Variants in RBMX observed in about 807,000 individuals in gnomAD.
RBMX encodes the protein RNA binding motif protein X-linked.
RBMX carries 1 observed loss-of-function variant against 29.3 expected under a neutral mutation model. That is an observed-to-expected ratio of 0.03 (90% CI 0.01 to 0.16). RBMX has a LOEUF of 0.16. Among genes scored for constraint, RBMX ranks in the 10% least tolerant of loss-of-function variants. The pLI is 1.00. For synonymous variants in RBMX, 102 were observed against 102.3 expected (o/e 1.00, Z 0.02); for missense variants, 121 against 333.2 (o/e 0.36, Z 4.96).
downstream of RBMX, chrX:136,872,668 C>G (rs2077692107): frequency 4.7e-6 from 1 of 213,281 alleles, no homozygotes; most frequent in African/African-American, 2.9e-5. Flanking sequence ...TGGAGGTCTT[C>G]AAGTTTACTA....
intron 1 of RBMX, 118 bp from the exon 2 acceptor site, chrX:136,879,571 G>A (rs1376445644): frequency 6.3e-6 from 4 of 633,251 alleles, no homozygotes; most frequent in African/African-American, 2.3e-5. Context: ...AATAACTAAA[G>A]AAAACGATAA....
chrX:136,880,643 GGCTTCC>G lies in RBMX; in HGVS notation c.-79_-74del, dbSNP rs1336253208. On this transcript the variant is annotated 5_prime_UTR_variant, in exon 1 of 9. Coordinates refer to ENST00000320676, the MANE Select transcript of RBMX (RefSeq NM_002139.4). ...AAGCTCCAACGAGCTCGGCGATAGGGGCTTCCTAGCAGCTCAGCACCAGTGGCGGCT... is the reference window on the plus strand; with the variant it reads ...AAGCTCCAACGAGCTCGGCGATAGGGTAGCAGCTCAGCACCAGTGGCGGCT... 4.1e-5 allele frequency: 5 copies of G among 123,108 alleles called. No homozygotes were observed. The allele number at this position is 123,108 out of a possible 1,213,427, so 10.1% of individuals were successfully genotyped here. A position where few individuals can be genotyped will look rare whatever the true frequency, so the allele number is the denominator to read the frequency against.
rs965170347 is a variant in RBMX, at chrX:136,878,893, T to A, written c.216+124A>T. The A allele has an allele frequency of 4.7e-6, 4 of 854,999 alleles. No homozygotes were observed. In the African/African-American group the frequency reaches 8.3e-5, roughly 18 times the overall value. The allele number at this position is 854,999 out of a possible 1,213,427, so 70.5% of individuals were successfully genotyped here. On this transcript the variant is annotated intron_variant, in intron 3 of 8. Transcript: ENST00000320676. ...CAGGATCACAAACAGGATGAGTGGA[T>A]CCCAGACAGGTATATACTGAAAAAC... is the stretch of plus-strand genomic sequence containing the variant.
downstream of RBMX, chrX:136,872,563 T>C (rs2077691667): frequency 2.5e-6 from 1 of 407,912 alleles, no homozygotes; most frequent in East Asian, 4.1e-5. Context: ...TTATGGATTG[T>C]CATTCTGTTC....
At chrX:136,874,504 C>T in intron 8 of RBMX, 52 bp from the exon 9 acceptor site, 1 of 1,150,613 alleles carries the variant, frequency 8.7e-7, no homozygotes, top group South Asian at 1.9e-5. Context: ...TGTATATATA[C>T]AACATTTTAA....
chrX:136,874,040 A>T lies in RBMX; in HGVS notation c.*102T>A. Reference sequence around the variant, plus strand: ...ACTTAACAGGGAATTTAAAAAAAGTAACACAATTTTTCCTTTTAGTAGTCC... The same window carrying T: ...ACTTAACAGGGAATTTAAAAAAAGTTACACAATTTTTCCTTTTAGTAGTCC... On this transcript the variant is annotated 3_prime_UTR_variant, in exon 9 of 9. Transcript: ENST00000320676. 1 of 1,121,887 alleles carries T rather than the reference A, an allele frequency of 8.9e-7. No individual in the cohort carries two copies. 92.5% of individuals were successfully genotyped at this position (1,121,887 alleles called of 1,213,427 possible).
At chrX:136,878,830 C>T (rs1254368125) in intron 3 of RBMX, among the ~76,000 whole-genome samples, 187 bp downstream of exon 3, 1 of 109,371 alleles carries the variant, frequency 9.1e-6, no homozygotes, top group Admixed American at 9.8e-5. Flanking sequence ...TAACTCACTA[C>T]TAGATTTGGT....
rs771048795 is a variant in RBMX at position 136,875,394 on chromosome X, A to G, written c.657-11T>C. The G allele has an allele frequency of 8.3e-6, 10 of 1,208,178 alleles. No homozygotes were observed. The African/African-American group carries it at 8.7e-5, about 10-fold the overall frequency. ...TCTCTGCTTGAATAGCTACAAAGCA[A>G]AAGTTTTGGTTTATGCTTTTGATAA... On this transcript the variant is annotated splice_polypyrimidine_tract_variant and intron_variant, in intron 6 of 8. Coordinates refer to ENST00000320676, the MANE Select transcript of RBMX (RefSeq NM_002139.4).
downstream of RBMX, chrX:136,872,515 G>A (rs961226560): frequency 2.1e-6 from 1 of 467,210 alleles, no homozygotes; most frequent in Non-Finnish European, 3.7e-6. Context: ...ACTGGCTCGG[G>A]ATGGACTGGA....
chrX:136,876,079 C>G (rs981189387), intron 5 of RBMX, among the ~76,000 whole-genome samples: 2 of 107,558 alleles, frequency 1.9e-5, no homozygotes, highest in Admixed American at 1.0e-4. Flanking sequence ...AGATTACAGG[C>G]GTGAGCCACC....
intron 4 of RBMX, among the ~76,000 whole-genome samples, chrX:136,877,304 C>T (rs1333635746): frequency 2.2e-5 from 2 of 90,786 alleles, no homozygotes; most frequent in Non-Finnish European, 4.2e-5. Context: ...TGCACTTCAG[C>T]CTGGGCAACA....
chrX:136,871,992 C>T (rs759498690), downstream of RBMX, among the ~76,000 whole-genome samples: 4 of 110,986 alleles, frequency 3.6e-5, no homozygotes, highest in East Asian at 5.7e-4. Context: ...GTTGAGAATG[C>T]TTGCATATGA....
downstream of RBMX, chrX:136,869,667 A>G (rs972648340): frequency 9.0e-6 from 1 of 110,874 alleles, no homozygotes; most frequent in Non-Finnish European, 1.9e-5. Context: ...AAAATGTTGT[A>G]TTATCCCTAG....
At chrX:136,872,605 T>G, downstream of RBMX, 1 of 342,518 alleles carries the variant, frequency 2.9e-6, no homozygotes, top group Non-Finnish European at 5.1e-6. Context: ...AATCCATAAG[T>G]TGAACGAACA....
At chrX:136,878,890 G>A (rs2077768148) in intron 3 of RBMX, 127 bp downstream of exon 3, 1 of 822,551 alleles carries the variant, frequency 1.2e-6, no homozygotes, top group East Asian at 3.3e-5. Context: ...CAGGATGAGT[G>A]GATCCCAGAC....
downstream of RBMX, among the ~76,000 whole-genome samples, chrX:136,871,819 T>G (rs1238692688): frequency 2.0e-5 from 2 of 102,041 alleles, no homozygotes; most frequent in African/African-American, 7.1e-5. Flanking sequence ...GTGTTTTTTT[T>G]TTTTTTTTTT....
chrX:136,870,706 C>T (rs1310296203), downstream of RBMX, among the ~76,000 whole-genome samples: 3 of 103,913 alleles, frequency 2.9e-5, no homozygotes, highest in African/African-American at 1.1e-4. Flanking sequence ...TGGTGCACAC[C>T]CGTAGTCCCA....
At chrX:136,877,802 G>A in intron 4 of RBMX, 113 bp downstream of exon 4, 1 of 703,420 alleles carries the variant, frequency 1.4e-6, no homozygotes, top group Non-Finnish European at 2.1e-6. Flanking sequence ...AACAAGTGTT[G>A]TCAATTTCAA....
At chrX:136,874,616 G>GC in intron 8 of RBMX, 164 bp from the exon 9 acceptor site, 1 of 581,496 alleles carries the variant, frequency 1.7e-6, no homozygotes, top group South Asian at 3.3e-5. Flanking sequence ...TTGCTCATCT[G>GC]CTGAGATATG....
Sources: allele counts gnomAD v4.1 joint callset (sites outside exome capture counted in the v4.1 genomes callset), GRCh38; gene constraint gnomAD v4.1.1; transcripts MANE v1.5; gene names NCBI Gene and HGNC (gene_info 2026-07-23, HGNC 2026-07-21).